DNAH7: variants seen among roughly 807,000 people sequenced by gnomAD.
The protein encoded by DNAH7 is dynein axonemal heavy chain 7.
A neutral mutation model predicts 444.6 loss-of-function variants in DNAH7; 397 were observed. The ratio of observed to expected loss-of-function variants is 0.89; its 90% confidence interval spans 0.82 to 0.97. The LOEUF (loss-of-function observed/expected upper bound fraction) is 0.97. DNAH7 is among the 50% of genes least tolerant of loss of function. The pLI is 0.00. For synonymous variants in DNAH7, 1,636 were observed against 1,624.4 expected (o/e 1.01, Z -0.17); for missense variants, 4,902 against 4,800.8 (o/e 1.02, Z -0.62).
intron 21 of DNAH7, among the ~76,000 whole-genome samples, chr2:195,927,507 G>GTAAA (rs199996492): frequency 0.015 from 2,279 of 151,082 alleles, 28 homozygotes; most frequent in Middle Eastern, 0.045. Context: ...AGAGAAGCAA[G>GTAAA]TAAATAAATA....
chr2:196,066,047 CT>C (rs1698411364), intron 1 of DNAH7, among the ~76,000 whole-genome samples: 1 of 152,166 alleles, frequency 6.6e-6, no homozygotes, highest in South Asian at 2.1e-4. Context: ...ATTTTACATT[CT>C]AAAATTAAAA....
intron 35 of DNAH7, among the ~76,000 whole-genome samples, chr2:195,883,643 A>G (rs535159116): frequency 1.3e-5 from 2 of 152,184 alleles, no homozygotes; most frequent in African/African-American, 2.4e-5. Flanking sequence ...AAAGCTTAAT[A>G]AACTGTAAAC....
intron 3 of DNAH7, 80 bp from the exon 4 acceptor site, chr2:196,048,484 AAC>A (rs1273165066): frequency 5.3e-6 from 6 of 1,138,676 alleles, no homozygotes; most frequent in Admixed American, 4.1e-5. Context: ...AGTGTTTATA[AAC>A]ACAGACATTT....
chr2:196,064,693 A>T, intron 1 of DNAH7, among the ~76,000 whole-genome samples: 1 of 152,164 alleles, frequency 6.6e-6, no homozygotes, highest in Admixed American at 6.5e-5. Context: ...ATGCCATCAC[A>T]CAATTTGTAT....
intron 46 of DNAH7, among the ~76,000 whole-genome samples, chr2:195,847,636 A>G (rs1478237932): frequency 6.6e-6 from 1 of 151,988 alleles, no homozygotes; most frequent in Non-Finnish European, 1.5e-5. Context: ...GTACCCCTGA[A>G]CCTAAAAGTT....
At chr2:195,827,071 C>T (rs1298512897) in intron 48 of DNAH7, among the ~76,000 whole-genome samples, 1 of 152,246 alleles carries the variant, frequency 6.6e-6, no homozygotes, top group Non-Finnish European at 1.5e-5. Context: ...CCATATATAA[C>T]CACAACAGAG....
At chr2:196,002,759 C>T (rs1213953583) in intron 10 of DNAH7, among the ~76,000 whole-genome samples, 4 of 152,044 alleles carry the variant, frequency 2.6e-5, no homozygotes, top group Non-Finnish European at 5.9e-5. Context: ...TGTAGTCTCA[C>T]CACTTTGGGA....
rs968999526 is a variant in DNAH7 at position 196,029,578 on chromosome 2, C to T, written c.399-1531G>A. ...CCTACTCAGGCCCTCAATAGTTTCA[C>T]ATATATTATTTATAATCCTCACACC... On this transcript the variant is annotated intron_variant, in intron 5 of 64. Transcript: ENST00000312428. Among the ~76,000 whole-genome samples, 12 of 151,788 alleles carry T rather than the reference C, an allele frequency of 7.9e-5. 1 individual carries two copies. The highest frequency in any genetic ancestry group is 1.3e-4 in the Admixed American group (2 of 15,218).
At chr2:195,828,311 A>G (rs1697881911) in intron 48 of DNAH7, among the ~76,000 whole-genome samples, 2 of 152,158 alleles carry the variant, frequency 1.3e-5, no homozygotes, top group Non-Finnish European at 2.9e-5. Context: ...CAGGCCGGGC[A>G]CAGTGGCTCA....
At chr2:195,762,328 G>A (rs1017666247) in intron 61 of DNAH7, among the ~76,000 whole-genome samples, 1 of 151,898 alleles carries the variant, frequency 6.6e-6, no homozygotes, top group Non-Finnish European at 1.5e-5. Flanking sequence ...GGAAGGAAAG[G>A]AGGAGAAAAC....
chr2:195,943,681 T>G (rs1366216810), intron 19 of DNAH7, among the ~76,000 whole-genome samples: 1 of 152,194 alleles, frequency 6.6e-6, no homozygotes, highest in Non-Finnish European at 1.5e-5. Context: ...CATGACTTCT[T>G]CATTTATAGC....
intron 25 of DNAH7, among the ~76,000 whole-genome samples, chr2:195,908,676 C>T (rs1452973153): frequency 6.6e-6 from 1 of 152,066 alleles, no homozygotes; most frequent in Non-Finnish European, 1.5e-5. Context: ...ATCCATTTCT[C>T]CACTGATGGA....
chr2:195,770,607 T>G (rs1234999548), intron 61 of DNAH7, among the ~76,000 whole-genome samples: 1 of 152,016 alleles, frequency 6.6e-6, no homozygotes, highest in East Asian at 1.9e-4. Flanking sequence ...TCTCCAAGAG[T>G]CATTCCTCAG....
At chr2:195,801,666 A>G (rs1365797233) in intron 54 of DNAH7, among the ~76,000 whole-genome samples, 1 of 152,234 alleles carries the variant, frequency 6.6e-6, no homozygotes, top group Non-Finnish European at 1.5e-5. Flanking sequence ...GGTGCCAAGT[A>G]TCTTAAAACG....
Position 195,834,219 on chromosome 2 carries a change from C to G in DNAH7, c.9087G>C (p.Gln3029His), listed in dbSNP as rs1698215610. The G allele has an allele frequency of 3.1e-6, 5 of 1,605,934 alleles. No individual in the cohort carries two copies. Among genetic ancestry groups the G allele is most frequent in the Non-Finnish European group, 4.3e-6 (5 of 1,173,926 alleles). Residue 3029 changes from glutamine (Q) to histidine (H), a missense_variant, in exon 48 of 65, where the codon CAG becomes CAC. Transcript: ENST00000312428. ...DYVRTLENCI[Q>H]FGTPVLLENV... ...TCAACTACATACCAGGAGTACCAAA[C>G]TGGATGCAATTTTCCAGAGTCCTGA...
intron 41 of DNAH7, among the ~76,000 whole-genome samples, chr2:195,863,820 C>T (rs1700159868): frequency 6.6e-6 from 1 of 152,156 alleles, no homozygotes; most frequent in African/African-American, 2.4e-5. Context: ...TTCCCTTAAC[C>T]CTGCCTACCC....
At chr2:195,801,596 G>A (rs964152119) in intron 54 of DNAH7, among the ~76,000 whole-genome samples, 2 of 152,142 alleles carry the variant, frequency 1.3e-5, no homozygotes, top group Non-Finnish European at 2.9e-5. Flanking sequence ...GCACTATGTA[G>A]ACAATTCCAC....
At chr2:195,746,251 A>C in intron 63 of DNAH7, among the ~76,000 whole-genome samples, 1 of 152,070 alleles carries the variant, frequency 6.6e-6, no homozygotes, top group East Asian at 1.9e-4. Flanking sequence ...GAGACAAAGA[A>C]GGCCATTACA....
intron 40 of DNAH7, among the ~76,000 whole-genome samples, chr2:195,868,562 G>T (rs1227920684): frequency 6.7e-6 from 1 of 149,642 alleles, no homozygotes; most frequent in Non-Finnish European, 1.5e-5. Context: ...GTCTTTTATT[G>T]TTGAGTTATA....
Sources: gnomAD v4.1 joint callset for allele counts (sites outside exome capture counted in the v4.1 genomes callset) on GRCh38, gnomAD v4.1.1 for gene constraint, MANE v1.5 for transcripts, NCBI Gene and HGNC (gene_info 2026-07-23, HGNC 2026-07-21) for gene names.